RALYL: variants seen among roughly 807,000 people sequenced by gnomAD.
RALYL encodes RALY RNA binding protein like, also known as RNA-binding Raly-like protein.
Under a neutral mutation model 35.1 loss-of-function variants are expected in RALYL, and 29 were observed. The observed-to-expected ratio is 0.83, with a 90% CI of 0.61 to 1.13. RALYL has a LOEUF of 1.13. Ranked by LOEUF, RALYL falls within the 50% of genes most tolerant of loss-of-function variation. RALYL has a pLI of 0.00. For synonymous variants in RALYL, 120 were observed against 127.6 expected (o/e 0.94, Z 0.40); for missense variants, 359 against 360.4 (o/e 1.00, Z 0.03).
At chr8:84,680,963 C>T (rs1309926898) in intron 2 of RALYL, among the ~76,000 whole-genome samples, 2 of 151,896 alleles carry the variant, frequency 1.3e-5, no homozygotes, top group Non-Finnish European at 1.5e-5. Context: ...AGGTTTTCTT[C>T]TAGGGTTTTT....
chr8:84,634,208 A>T (rs1015454890), intron 2 of RALYL, among the ~76,000 whole-genome samples: 1 of 151,842 alleles, frequency 6.6e-6, no homozygotes, highest in Admixed American at 6.6e-5. Context: ...ACACGGATTT[A>T]TGTGTTGACC....
intron 1 of RALYL, among the ~76,000 whole-genome samples, chr8:84,345,560 A>C (rs1849685480): frequency 6.6e-6 from 1 of 152,034 alleles, no homozygotes; most frequent in Non-Finnish European, 1.5e-5. Flanking sequence ...AATTCAATGA[A>C]ATGATATCAC....
chr8:84,259,930 T>C (rs540655241), intron 1 of RALYL, among the ~76,000 whole-genome samples: 2 of 152,274 alleles, frequency 1.3e-5, no homozygotes, highest in South Asian at 4.1e-4. Flanking sequence ...GCTCATCTGA[T>C]TTAGCAGGGA....
chr8:84,596,746 C>A (rs552397621), intron 2 of RALYL, among the ~76,000 whole-genome samples: 4 of 152,162 alleles, frequency 2.6e-5, no homozygotes, highest in Non-Finnish European at 5.9e-5. Flanking sequence ...AATTCTGAAT[C>A]AGCTAATTAG....
At chr8:84,626,738 T>G (rs566036400) in intron 2 of RALYL, among the ~76,000 whole-genome samples, 1 of 152,300 alleles carries the variant, frequency 6.6e-6, no homozygotes, top group South Asian at 2.1e-4. Context: ...TGGAATTCAT[T>G]TAAAGCAGGT....
At chr8:84,586,290 C>T (rs1244764990) in intron 2 of RALYL, among the ~76,000 whole-genome samples, 1 of 151,980 alleles carries the variant, frequency 6.6e-6, no homozygotes, top group East Asian at 1.9e-4. Flanking sequence ...CATGTACTAA[C>T]TAAATGCAAG....
chr8:84,241,717 G>A (rs911972190), intron 1 of RALYL, among the ~76,000 whole-genome samples: 2 of 148,516 alleles, frequency 1.3e-5, no homozygotes, highest in Non-Finnish European at 3.0e-5. Context: ...AGTGGAGGTT[G>A]CCATGAACCA....
chr8:84,718,024 G>A (rs1843223914), intron 2 of RALYL, among the ~76,000 whole-genome samples: 1 of 152,072 alleles, frequency 6.6e-6, no homozygotes, highest in South Asian at 2.1e-4. Flanking sequence ...ATTATAAAGT[G>A]GTATGGCTTA....
rs1319518377 is a variant in RALYL, at chr8:84,725,180, AG to A, written c.257-49398del. ...CTATTCAAGTGTTTTATGTCAAAAAAGTCATTTTGATAGTTTAGGCAGAGTC... is the reference window on the plus strand; with the variant it reads ...CTATTCAAGTGTTTTATGTCAAAAAATCATTTTGATAGTTTAGGCAGAGTC... On this transcript the variant is annotated intron_variant, in intron 2 of 8. Transcript: ENST00000521268. 7.9e-5 allele frequency among the ~76,000 whole-genome samples: 12 copies of A among 151,830 alleles called. No individual in the cohort carries two copies. The East Asian group carries it at 2.3e-3, about 29-fold the overall frequency.
At chr8:84,842,763 A>T (rs1833720532) in intron 4 of RALYL, among the ~76,000 whole-genome samples, 1 of 152,226 alleles carries the variant, frequency 6.6e-6, no homozygotes, top group South Asian at 2.1e-4. Flanking sequence ...CAAAATGCTT[A>T]TCCACCATGA....
At chr8:84,832,625 G>A (rs1831155234) in intron 4 of RALYL, among the ~76,000 whole-genome samples, 1 of 152,058 alleles carries the variant, frequency 6.6e-6, no homozygotes. Context: ...TAGGGTATCA[G>A]CTTTTGAAAA....
intron 1 of RALYL, among the ~76,000 whole-genome samples, chr8:84,311,154 A>G (rs951717692): frequency 6.7e-6 from 1 of 150,072 alleles, no homozygotes; most frequent in African/African-American, 2.4e-5. Flanking sequence ...TGTATAATCA[A>G]CTGTAAAAAG....
At chr8:84,541,206 A>G (rs1258369298) in intron 2 of RALYL, among the ~76,000 whole-genome samples, 1 of 151,400 alleles carries the variant, frequency 6.6e-6, no homozygotes, top group Non-Finnish European at 1.5e-5. Flanking sequence ...ATTGATTTTT[A>G]GCTTCTCATG....
At chr8:84,706,217 A>G (rs1841183952) in intron 2 of RALYL, among the ~76,000 whole-genome samples, 1 of 152,094 alleles carries the variant, frequency 6.6e-6, no homozygotes. Flanking sequence ...TTCCTGTAAC[A>G]TGCATGAAAG....
At chr8:84,480,359 GT>G (rs1554686459) in intron 1 of RALYL, among the ~76,000 whole-genome samples, 2 of 152,098 alleles carry the variant, frequency 1.3e-5, no homozygotes, top group Non-Finnish European at 2.9e-5. Flanking sequence ...ACTGTACTTT[GT>G]GCTTCTAATG....
intron 2 of RALYL, among the ~76,000 whole-genome samples, chr8:84,620,820 C>T (rs1159158260): frequency 6.6e-6 from 1 of 152,114 alleles, no homozygotes; most frequent in Non-Finnish European, 1.5e-5. Context: ...ACAGACAGGA[C>T]CCTCAGCTGC....
At chr8:84,362,243 T>C (rs1243778519) in intron 1 of RALYL, among the ~76,000 whole-genome samples, 4 of 152,152 alleles carry the variant, frequency 2.6e-5, no homozygotes, top group Non-Finnish European at 1.5e-5. Flanking sequence ...ATGGTTAAAC[T>C]ATCTTTAGAA....
intron 8 of RALYL, among the ~76,000 whole-genome samples, chr8:84,890,693 T>A (rs891664108): frequency 3.3e-5 from 5 of 152,174 alleles, no homozygotes; most frequent in African/African-American, 1.2e-4. Flanking sequence ...CTTTGAGAAC[T>A]ACTGTTATCA....
chr8:84,566,890 G>T lies in RALYL; in HGVS notation c.256+37313G>T, dbSNP rs544056942. 3.2e-4 allele frequency among the ~76,000 whole-genome samples: 49 copies of T among 151,626 alleles called. No individual in the cohort carries two copies. The South Asian group carries it at 1.0e-2, about 31-fold the overall frequency. ...AATTATGCTGTCTATGATTATATTAGATTTTTCAAAGTGACTGTGTTAATA... is the reference window on the plus strand; with the variant it reads ...AATTATGCTGTCTATGATTATATTATATTTTTCAAAGTGACTGTGTTAATA... On this transcript the variant is annotated intron_variant, in intron 2 of 8. Transcript: ENST00000521268.
Sources: allele counts gnomAD v4.1 joint callset (sites outside exome capture counted in the v4.1 genomes callset), GRCh38; gene constraint gnomAD v4.1.1; transcripts MANE v1.5; gene names NCBI Gene and HGNC (gene_info 2026-07-23, HGNC 2026-07-21).